The following DPH6 variants were observed in gnomAD, a reference collection of about 807,000 sequenced individuals.
DPH6 encodes the protein diphthine--ammonia ligase.
In DPH6, 33 loss-of-function variants were observed where a neutral mutation model predicts 38.2. That is an observed-to-expected ratio of 0.86 (90% CI 0.65 to 1.15). The LOEUF (loss-of-function observed/expected upper bound fraction) is 1.15, where lower values mean the gene tolerates loss of function less well. DPH6 is among the 50% of genes most tolerant of loss of function. The pLI, the probability that DPH6 is intolerant of heterozygous loss-of-function variation, is 0.00. For missense variants in DPH6, 325 were observed against 320.0 expected (o/e 1.02, Z -0.12); for synonymous variants, 108 against 103.0 (o/e 1.05, Z -0.30).
chr15:35,193,154 C>G, the DPH6 span, among the ~76,000 whole-genome samples: 11 of 152,136 alleles, frequency 7.2e-5, no homozygotes, highest in African/African-American at 2.6e-4. Flanking sequence ...TGCTTATAAT[C>G]TCTAAAATTA....
chr15:35,154,587 A>G, the DPH6 span, among the ~76,000 whole-genome samples: 1 of 152,210 alleles, frequency 6.6e-6, no homozygotes, highest in African/African-American at 2.4e-5. Flanking sequence ...CATTTGTTGC[A>G]TATGAAATAA....
chr15:35,409,300 T>G (rs2053334914), intron 6 of DPH6, among the ~76,000 whole-genome samples: 1 of 151,796 alleles, frequency 6.6e-6, no homozygotes, highest in Non-Finnish European at 1.5e-5. Flanking sequence ...ATTTTAAATT[T>G]GAGGAGAATG....
the DPH6 span, among the ~76,000 whole-genome samples, chr15:35,192,796 C>A: frequency 6.6e-6 from 1 of 152,156 alleles, no homozygotes; most frequent in African/African-American, 2.4e-5. Context: ...ACATCAACAA[C>A]ATTCATTTAT....
intron 5 of DPH6, among the ~76,000 whole-genome samples, chr15:35,434,360 C>T (rs1295056113): frequency 6.6e-6 from 1 of 151,952 alleles, no homozygotes. Context: ...TAATAGAATG[C>T]ATTACTGCCA....
chr15:35,544,937 G>C (rs534165676), intron 1 of DPH6, among the ~76,000 whole-genome samples: 1 of 152,262 alleles, frequency 6.6e-6, no homozygotes, highest in African/African-American at 2.4e-5. Flanking sequence ...AATGGTTAAA[G>C]CTTAATCATT....
intron 3 of DPH6, among the ~76,000 whole-genome samples, chr15:35,251,430 G>A (rs1439035674): frequency 6.6e-6 from 1 of 151,976 alleles, no homozygotes; most frequent in Non-Finnish European, 1.5e-5. Context: ...CAGCTGTCAA[G>A]CTTTTTTCCT....
intron 5 of DPH6, among the ~76,000 whole-genome samples, chr15:35,433,839 A>C (rs1416946387): frequency 6.6e-6 from 1 of 152,186 alleles, no homozygotes; most frequent in Non-Finnish European, 1.5e-5. Context: ...GGGATGTTTA[A>C]AAGCTCAACA....
the DPH6 span, among the ~76,000 whole-genome samples, chr15:35,174,598 T>C: frequency 6.6e-6 from 1 of 152,246 alleles, no homozygotes; most frequent in African/African-American, 2.4e-5. Flanking sequence ...GAAATGTTTT[T>C]CTTGCAAACC....
downstream of DPH6, among the ~76,000 whole-genome samples, chr15:35,370,469 C>T (rs537814337): frequency 1.3e-5 from 2 of 151,760 alleles, no homozygotes; most frequent in Non-Finnish European, 1.5e-5. Flanking sequence ...CCAAAATATG[C>T]AAAGAACTCT....
chr15:35,298,051 T>C (rs563345203), intron 3 of DPH6, among the ~76,000 whole-genome samples: 9 of 152,294 alleles, frequency 5.9e-5, no homozygotes, highest in African/African-American at 1.7e-4. Context: ...TTCTTTTTGT[T>C]TTTTTTGTAA....
At chr15:35,489,898 C>T in intron 3 of DPH6, 1 of 964,334 alleles carries the variant, frequency 1.0e-6, no homozygotes, top group African/African-American at 1.8e-5. Context: ...TTTTTCTGTA[C>T]TAAAAATCTA....
intron 3 of DPH6, among the ~76,000 whole-genome samples, chr15:35,504,638 G>T (rs1297073070): frequency 6.6e-6 from 1 of 152,040 alleles, no homozygotes; most frequent in Non-Finnish European, 1.5e-5. Flanking sequence ...CACATTTGAT[G>T]AATGAATGGA....
In DPH6 at chr15:35,278,605, G is replaced by A. The variant is rs540920995; in HGVS notation, n.201-58023C>T. ...TCCAGGCCAAAGAATGGTAGAGGCA[G>A]CAGCAGCTTGCATCCTCAGTCTGGA... On this transcript the variant is annotated intron_variant and non_coding_transcript_variant, in intron 3 of 3. Coordinates refer to the DPH6 transcript ENST00000560386. Among the ~76,000 whole-genome samples the A allele has an allele frequency of 1.2e-3, 186 of 152,328 alleles. 1 individual carries two copies. The highest frequency in any genetic ancestry group is 0.01 in the Middle Eastern group (3 of 294).
chr15:35,500,735 T>C lies in DPH6; in HGVS notation c.312+37539A>G, dbSNP rs186433136. The stretch of plus-strand genomic sequence containing the variant: ...CACACTACAAGTCAGCAGATTTTAG[T>C]ATGTGTTCCCTTTTTGTGATAATTA... On this transcript the variant is annotated intron_variant, in intron 3 of 8. Coordinates refer to ENST00000256538, the MANE Select transcript of DPH6 (RefSeq NM_080650.4). Among the ~76,000 whole-genome samples the C allele has an allele frequency of 3.3e-5, 5 of 152,288 alleles. No homozygotes were observed. In the East Asian group the frequency reaches 9.7e-4, roughly 29 times the overall value.
chr15:35,370,391 G>A (rs2052700674), downstream of DPH6, among the ~76,000 whole-genome samples: 1 of 151,686 alleles, frequency 6.6e-6, no homozygotes, highest in Non-Finnish European at 1.5e-5. Context: ...ACTGTTAAGA[G>A]AATGAAAAGA....
chr15:35,204,559 A>C, the DPH6 span, among the ~76,000 whole-genome samples: 50 of 151,750 alleles, frequency 3.3e-4, no homozygotes, highest in Non-Finnish European at 6.6e-4. Context: ...TTCATGTCTT[A>C]TTTTTAGGAA....
intron 3 of DPH6, chr15:35,519,997 T>A (rs1436318008): frequency 6.6e-6 from 1 of 152,052 alleles, no homozygotes; most frequent in South Asian, 2.1e-4. Context: ...TAAGTAATCA[T>A]AGCACCTCCT....
intron 5 of DPH6, among the ~76,000 whole-genome samples, chr15:35,428,282 G>A (rs2053593220): frequency 6.6e-6 from 1 of 151,910 alleles, no homozygotes; most frequent in Non-Finnish European, 1.5e-5. Context: ...TTGATGCCCT[G>A]GATCAAACTA....
intron 6 of DPH6, among the ~76,000 whole-genome samples, chr15:35,383,235 T>C (rs1482795123): frequency 6.6e-6 from 1 of 152,234 alleles, no homozygotes; most frequent in African/African-American, 2.4e-5. Context: ...CCTATAGAAG[T>C]GGTTCTCTTA....
Sources: gnomAD v4.1 joint callset for allele counts (sites outside exome capture counted in the v4.1 genomes callset) on GRCh38, gnomAD v4.1.1 for gene constraint, MANE v1.5 for transcripts, NCBI Gene and HGNC (gene_info 2026-07-23, HGNC 2026-07-21) for gene names.